Variants in CLSTN2 observed in about 807,000 individuals in gnomAD.
The protein encoded by CLSTN2 is calsyntenin 2.
In CLSTN2, 48 loss-of-function variants were observed where a neutral mutation model predicts 101.2. That is an observed-to-expected ratio of 0.47 (90% CI 0.38 to 0.60). The LOEUF (loss-of-function observed/expected upper bound fraction) is 0.60. Among genes scored for constraint, CLSTN2 ranks in the 20% least tolerant of loss-of-function variants. CLSTN2 has a pLI of 0.00. For synonymous variants in CLSTN2, 481 were observed against 463.6 expected (o/e 1.04, Z -0.48); for missense variants, 1,160 against 1,238.2 (o/e 0.94, Z 0.95).
intron 8 of CLSTN2, among the ~76,000 whole-genome samples, chr3:140,526,649 A>G (rs1219512637): frequency 6.6e-6 from 1 of 151,358 alleles, no homozygotes; most frequent in African/African-American, 2.4e-5. Context: ...ACAACAAAAA[A>G]AAAACTGGAG....
chr3:140,386,756 G>A (rs1385196162), intron 2 of CLSTN2, among the ~76,000 whole-genome samples: 1 of 152,152 alleles, frequency 6.6e-6, no homozygotes, highest in Admixed American at 6.5e-5. Flanking sequence ...ACCTGCACAA[G>A]AGCCATGTTG....
chr3:140,055,271 G>T (rs905386741), intron 1 of CLSTN2, among the ~76,000 whole-genome samples: 1 of 152,192 alleles, frequency 6.6e-6, no homozygotes, highest in Admixed American at 6.5e-5. Context: ...GCCTGGAGGG[G>T]CCTGCCTCTC....
intron 2 of CLSTN2, among the ~76,000 whole-genome samples, chr3:140,313,921 G>C (rs528285156): frequency 6.6e-6 from 1 of 152,190 alleles, no homozygotes; most frequent in African/African-American, 2.4e-5. Context: ...ACTTTTTGGC[G>C]TTGTCCCCTT....
At chr3:140,381,878 G>T (rs114968845) in intron 2 of CLSTN2, among the ~76,000 whole-genome samples, 2 of 152,152 alleles carry the variant, frequency 1.3e-5, no homozygotes, top group Non-Finnish European at 2.9e-5. Flanking sequence ...GGAAAACAAG[G>T]GTTCTTCAAA....
In CLSTN2 at chr3:140,081,580, A is replaced by T. The variant is rs749396769; in HGVS notation, c.110-94371A>T. 3.8e-4 allele frequency among the ~76,000 whole-genome samples: 58 copies of T among 152,152 alleles called. No homozygotes were observed. In the Middle Eastern group the frequency reaches 0.014, roughly 36 times the overall value. ...CAGCCCCAGGCACTGGGAGGGTCAC[A>T]CTGGTGTATCCCTCCCCCTCCTCCC... On this transcript the variant is annotated intron_variant, in intron 1 of 16. Transcript: ENST00000458420.
intron 2 of CLSTN2, among the ~76,000 whole-genome samples, chr3:140,382,917 C>G (rs1303990955): frequency 7.8e-6 from 1 of 127,928 alleles, no homozygotes; most frequent in South Asian, 2.6e-4. Flanking sequence ...TACCATCACA[C>G]TGCGGATTAG....
chr3:140,056,867 A>G (rs1367707530), intron 1 of CLSTN2, among the ~76,000 whole-genome samples: 2 of 152,224 alleles, frequency 1.3e-5, no homozygotes, highest in Non-Finnish European at 2.9e-5. Context: ...AAATGCTATC[A>G]TTTTATGGAT....
intron 1 of CLSTN2, among the ~76,000 whole-genome samples, chr3:140,124,517 T>C (rs544977778): frequency 6.6e-6 from 1 of 152,300 alleles, no homozygotes; most frequent in South Asian, 2.1e-4. Context: ...AGTAGAGCCA[T>C]AGGCCTTGCT....
intron 2 of CLSTN2, among the ~76,000 whole-genome samples, chr3:140,326,021 A>G (rs1576516688): frequency 6.6e-6 from 1 of 152,148 alleles, no homozygotes; most frequent in Non-Finnish European, 1.5e-5. Flanking sequence ...TCAAACATAT[A>G]CTTTTCCTTT....
intron 6 of CLSTN2, chr3:140,452,758 C>T (rs1263386487): frequency 1.3e-5 from 2 of 152,196 alleles, no homozygotes; most frequent in Non-Finnish European, 2.9e-5. Flanking sequence ...TGCATGGAGA[C>T]ACTGCCATTC....
Position 140,356,915 on chromosome 3 carries a change from G to A in CLSTN2, c.233-46714G>A, listed in dbSNP as rs150941776. On this transcript the variant is annotated intron_variant, in intron 2 of 16. Transcript: ENST00000458420. ...CTGTGGAGACCATGCTCTGCATTGTGTCTCAGTCTGATAGCATGCCAGTGA... is the reference window on the plus strand; with the variant it reads ...CTGTGGAGACCATGCTCTGCATTGTATCTCAGTCTGATAGCATGCCAGTGA... 6.8e-4 allele frequency among the ~76,000 whole-genome samples: 104 copies of A among 152,320 alleles called. No homozygotes were observed. In the East Asian group the frequency reaches 0.018, roughly 26 times the overall value.
At chr3:140,366,093 ACAGT>A (rs1423850982) in intron 2 of CLSTN2, among the ~76,000 whole-genome samples, 1 of 152,180 alleles carries the variant, frequency 6.6e-6, no homozygotes, top group Non-Finnish European at 1.5e-5. Flanking sequence ...CCTTGCCATG[ACAGT>A]CAGCCGTGTT....
intron 1 of CLSTN2, among the ~76,000 whole-genome samples, chr3:139,952,443 G>A (rs937917159): frequency 2.5e-5 from 3 of 120,700 alleles, no homozygotes; most frequent in East Asian, 2.8e-4. Flanking sequence ...TTCCTTCTCC[G>A]AGACTGCTTT....
At chr3:140,483,936 T>C (rs1419677431) in intron 8 of CLSTN2, among the ~76,000 whole-genome samples, 1 of 152,236 alleles carries the variant, frequency 6.6e-6, no homozygotes, top group Non-Finnish European at 1.5e-5. Flanking sequence ...TCTGTGTCTT[T>C]TAATTGGAGC....
At chr3:140,444,355 A>C (rs1263511249) in intron 5 of CLSTN2, among the ~76,000 whole-genome samples, 2 of 151,842 alleles carry the variant, frequency 1.3e-5, no homozygotes, top group African/African-American at 2.4e-5. Context: ...TCTTGAACCC[A>C]AGAGGTGGAG....
rs555038768 is a variant in CLSTN2, at chr3:140,277,475, G to A, written c.232+101402G>A. ...GTTCTGCAGATGACTGCTCCAAAGAGAGGCTATTGAAAGCCATCCTAGAAT... is the reference window on the plus strand; with the variant it reads ...GTTCTGCAGATGACTGCTCCAAAGAAAGGCTATTGAAAGCCATCCTAGAAT... On this transcript the variant is annotated intron_variant, in intron 2 of 16. Transcript: ENST00000458420. Among the ~76,000 whole-genome samples, 57 of 152,326 alleles carry A rather than the reference G, an allele frequency of 3.7e-4. No individual in the cohort carries two copies. The South Asian group carries it at 0.012, about 32-fold the overall frequency.
At chr3:140,032,372 G>GC (rs2007571969) in intron 1 of CLSTN2, among the ~76,000 whole-genome samples, 2 of 122,080 alleles carry the variant, frequency 1.6e-5, no homozygotes, top group African/African-American at 3.2e-5. Flanking sequence ...TCTCACTCTT[G>GC]TTGCCTAGGC....
At chr3:140,251,348 T>G (rs1020974218) in intron 2 of CLSTN2, among the ~76,000 whole-genome samples, 1 of 152,208 alleles carries the variant, frequency 6.6e-6, no homozygotes, top group African/African-American at 2.4e-5. Flanking sequence ...TGCTATGGGC[T>G]GTATGATTTA....
Position 140,567,666 on chromosome 3 carries a change from T to A in CLSTN2, c.*1413T>A, listed in dbSNP as rs1985335740. 6.6e-6 allele frequency: 1 copy of A among 152,250 alleles called. No individual in the cohort carries two copies. The highest frequency in any genetic ancestry group is 2.4e-5 in the African/African-American group (1 of 41,466). The allele number at this position is 152,250 out of a possible 1,614,324, so 9.4% of individuals were successfully genotyped here. ...GCTCTGAGAACATGTTTGTTTCGAA[T>A]GTCTGATTCCTCTTTGTCATCAATG... On this transcript the variant is annotated 3_prime_UTR_variant, in exon 17 of 17. Transcript: ENST00000458420.
Sources: gnomAD v4.1 joint callset for allele counts (sites outside exome capture counted in the v4.1 genomes callset) on GRCh38, gnomAD v4.1.1 for gene constraint, MANE v1.5 for transcripts, NCBI Gene and HGNC (gene_info 2026-07-23, HGNC 2026-07-21) for gene names.